RTTN: variants seen among roughly 807,000 people sequenced by gnomAD.
RTTN encodes the protein rotatin.
Under a neutral mutation model 269.2 loss-of-function variants are expected in RTTN, and 182 were observed. That is an observed-to-expected ratio of 0.68 (90% CI 0.60 to 0.76). The LOEUF is 0.76. RTTN is among the 30% of genes least tolerant of loss of function. RTTN has a pLI of 0.00. For missense variants in RTTN, 2,545 were observed against 2,608.6 expected (o/e 0.98, Z 0.53); for synonymous variants, 1,006 against 963.5 (o/e 1.04, Z -0.82).
At chr18:70,126,767 C>T (rs1350028541) in intron 25 of RTTN, among the ~76,000 whole-genome samples, 1 of 152,060 alleles carries the variant, frequency 6.6e-6, no homozygotes, top group African/African-American at 2.4e-5. Flanking sequence ...CATTAGTGGG[C>T]ACCAGCACAC....
In RTTN at chr18:70,114,537, ATC is replaced by A. The variant is rs886041460; in HGVS notation, c.3589_3590del (p.Asp1197Ter). The A allele has an allele frequency of 6.2e-7, 1 of 1,613,736 alleles. No homozygotes were observed. Among genetic ancestry groups the A allele is most frequent in the South Asian group, 1.1e-5 (1 of 91,048 alleles). ...LTESQAREET[D>X]DIRTAVRQQL... The stretch of plus-strand genomic sequence containing the variant: ...GTTGCCTGACAGCAGTCCGGATATC[ATC>A]TGTTTCTTCTCGTGCCTGTGACTCT... On this transcript the variant is annotated frameshift_variant, in exon 27 of 49. Coordinates refer to ENST00000640769, the MANE Select transcript of RTTN (RefSeq NM_173630.4). LOFTEE classifies it high-confidence loss of function.
At chr18:70,198,399 C>T (rs1600074880) in intron 5 of RTTN, among the ~76,000 whole-genome samples, 1 of 152,304 alleles carries the variant, frequency 6.6e-6, no homozygotes, top group East Asian at 1.9e-4. Context: ...ATCATACAAC[C>T]TCCTAACCCT....
intron 28 of RTTN, among the ~76,000 whole-genome samples, chr18:70,104,220 C>T (rs1025531440): frequency 2.0e-4 from 30 of 152,162 alleles, no homozygotes; most frequent in African/African-American, 7.0e-4. Flanking sequence ...CTTCTCTTCT[C>T]GCTTCATTTC....
Position 70,201,952 on chromosome 18 carries a change from T to C in RTTN, c.429A>G (p.Gly143=), listed in dbSNP as rs751051246. 1.2e-6 allele frequency: 2 copies of C among 1,611,088 alleles called. No homozygotes were observed. Among genetic ancestry groups the C allele is most frequent in the Admixed American group, 1.7e-5 (1 of 59,964 alleles). The change falls in exon 4 of 49, where the codon GGA becomes GGG. Residue 143 remains glycine (G), a synonymous_variant. Coordinates refer to ENST00000640769, the MANE Select transcript of RTTN (RefSeq NM_173630.4). ...AATTACTTTTGTCTTGGGGAAAATA[T>C]CCTGTTAAGATTTCAGGGTTTTTTG... The part of the protein sequence containing the change: ...ELSKNPEILT[G]YFPQDKSNFQ...
intron 11 of RTTN, among the ~76,000 whole-genome samples, chr18:70,171,099 G>C (rs2061131447): frequency 6.6e-6 from 1 of 152,166 alleles, no homozygotes; most frequent in Admixed American, 6.5e-5. Context: ...ACTGGATACA[G>C]GTAAGTTCAG....
chr18:70,060,565 T>A (rs936230074), intron 35 of RTTN, among the ~76,000 whole-genome samples: 1 of 152,190 alleles, frequency 6.6e-6, no homozygotes, highest in Non-Finnish European at 1.5e-5. Flanking sequence ...TCAAGGTAAC[T>A]GGGACATCCA....
rs748933737 is a variant in RTTN at position 70,017,558 on chromosome 18, A to G, written c.6270T>C (p.Asp2090=). 2.5e-6 allele frequency: 4 copies of G among 1,614,010 alleles called. No individual in the cohort carries two copies. The highest frequency in any genetic ancestry group is 2.2e-5 in the East Asian group (1 of 44,872). Residue 2090 remains aspartate, a synonymous_variant, in exon 46 of 49, where the codon GAT becomes GAC. Coordinates refer to ENST00000640769, the MANE Select transcript of RTTN (RefSeq NM_173630.4). ...KLLLNISSGE[D]GQQMILRLDG... is the part of the protein sequence containing the mutation. ...CAAGCCTCAGAATCATTTGTTGCCC[A>G]TCTTCTCCAGATGATATATTCAGGA... is the stretch of plus-strand genomic sequence containing the variant.
At position 70,004,722 on chromosome 18, in the gene RTTN, C is replaced by T. The variant is rs118129339; in HGVS notation, c.6595+476G>A. Among the ~76,000 whole-genome samples the T allele has an allele frequency of 6.1e-3, 922 of 152,162 alleles. 3 individuals are homozygous for T. The highest frequency in any genetic ancestry group is 0.01 in the Middle Eastern group (3 of 294). ...AGCATAAAAAATGTTCAGAGAATAA[C>T]GCTCACTGAAATTTGGTGTCACTAA... On this transcript the variant is annotated intron_variant, in intron 48 of 48. Coordinates refer to ENST00000640769, the MANE Select transcript of RTTN (RefSeq NM_173630.4).
In RTTN at chr18:70,004,612, C is replaced by T. The variant is rs550754288; in HGVS notation, c.6596-376G>A. ...CAGCTAAAACAAACTAAAACCTCCCCTGCTTAAAAAAAAAAATCAGACTAT... is the reference window on the plus strand; with the variant it reads ...CAGCTAAAACAAACTAAAACCTCCCTTGCTTAAAAAAAAAAATCAGACTAT... On this transcript the variant is annotated intron_variant, in intron 48 of 48. Coordinates refer to ENST00000640769, the MANE Select transcript of RTTN (RefSeq NM_173630.4). Among the ~76,000 whole-genome samples, 9 of 151,716 alleles carry T rather than the reference C, an allele frequency of 5.9e-5. No individual in the cohort carries two copies. In the South Asian group the frequency reaches 1.0e-3, roughly 18 times the overall value.
At chr18:70,159,499 A>C (rs945164785) in intron 14 of RTTN, among the ~76,000 whole-genome samples, 1 of 152,156 alleles carries the variant, frequency 6.6e-6, no homozygotes, top group Non-Finnish European at 1.5e-5. Context: ...AAAGATTGCA[A>C]ACTAACAACC....
intron 37 of RTTN, among the ~76,000 whole-genome samples, chr18:70,057,292 A>G (rs2057845864): frequency 6.6e-6 from 1 of 152,272 alleles, no homozygotes; most frequent in Admixed American, 6.5e-5. Flanking sequence ...TTAAAACTAA[A>G]TATCTGTGAA....
intron 10 of RTTN, among the ~76,000 whole-genome samples, chr18:70,181,694 AC>A (rs1455910015): frequency 6.6e-6 from 1 of 152,200 alleles, no homozygotes; most frequent in African/African-American, 2.4e-5. Flanking sequence ...TAATGACTCA[AC>A]AAAAATACTG....
Position 70,150,670 on chromosome 18 carries a change from G to A in RTTN, c.1993C>T (p.Leu665=). 6.2e-7 allele frequency: 1 copy of A among 1,611,470 alleles called. No individual in the cohort carries two copies. Among genetic ancestry groups the A allele is most frequent in the Non-Finnish European group, 8.5e-7 (1 of 1,177,896 alleles). ...VSSLCNGIHF[L]LHPKVLYEIS... is the part of the protein sequence containing the mutation. ...TCATACAGAACTTTTGGATGAAGTA[G>A]AAAATGAATTCCATTGCAAAGTGAA... The change falls in exon 15 of 49, where the codon CTA becomes TTA. Residue 665 remains leucine (L), a synonymous_variant. Transcript: ENST00000640769.
chr18:70,155,034 A>G (rs1037886630), intron 14 of RTTN, among the ~76,000 whole-genome samples: 3 of 152,222 alleles, frequency 2.0e-5, no homozygotes, highest in Admixed American at 1.3e-4. Context: ...GTGATATCTA[A>G]GCCCACCTAA....
intron 41 of RTTN, 22 bp from the exon 42 acceptor site, chr18:70,030,131 A>G (rs748470075): frequency 2.7e-6 from 4 of 1,485,054 alleles, no homozygotes; most frequent in Non-Finnish European, 3.7e-6. Context: ...AATCTGCAGT[A>G]GTCAAAAGGA....
At chr18:70,111,140 G>T (rs962203758) in intron 27 of RTTN, among the ~76,000 whole-genome samples, 3 of 152,220 alleles carry the variant, frequency 2.0e-5, no homozygotes, top group Non-Finnish European at 4.4e-5. Flanking sequence ...AACTTCATCA[G>T]ATTTAAACAT....
intron 17 of RTTN, among the ~76,000 whole-genome samples, chr18:70,148,346 C>T (rs2060449910): frequency 6.6e-6 from 1 of 152,082 alleles, no homozygotes; most frequent in Non-Finnish European, 1.5e-5. Flanking sequence ...GGAAGAAAAA[C>T]AGTATCATTC....
At chr18:70,106,825 T>C (rs545151741) in intron 28 of RTTN, among the ~76,000 whole-genome samples, 44 of 152,336 alleles carry the variant, frequency 2.9e-4, no homozygotes, top group African/African-American at 1.0e-3. Context: ...GATACAATTT[T>C]ATCAGAAAAT....
At chr18:70,196,923 C>T (rs542851619) in intron 6 of RTTN, among the ~76,000 whole-genome samples, 1 of 152,312 alleles carries the variant, frequency 6.6e-6, no homozygotes, top group African/African-American at 2.4e-5. Context: ...TGAGAGAAGA[C>T]AGAAATTATT....
Sources: gnomAD v4.1 joint callset for allele counts (sites outside exome capture counted in the v4.1 genomes callset) on GRCh38, gnomAD v4.1.1 for gene constraint, MANE v1.5 for transcripts, NCBI Gene and HGNC (gene_info 2026-07-23, HGNC 2026-07-21) for gene names.